SHQ1: variants seen among roughly 807,000 people sequenced by gnomAD.
SHQ1 encodes protein SHQ1 homolog.
SHQ1 carries 49 observed loss-of-function variants against 53.8 expected under a neutral mutation model. That is an observed-to-expected ratio of 0.91 (90% CI 0.72 to 1.16). The LOEUF (loss-of-function observed/expected upper bound fraction) is 1.16, where lower values mean the gene tolerates loss of function less well. Among genes scored for constraint, SHQ1 ranks in the 50% most tolerant of loss-of-function variants. The pLI is 0.00. For synonymous variants in SHQ1, 243 were observed against 251.0 expected (o/e 0.97, Z 0.30); for missense variants, 738 against 683.1 (o/e 1.08, Z -0.90).
Position 72,750,570 on chromosome 3 carries a change from C to G in SHQ1, c.1448G>C (p.Ser483Thr). The change falls in exon 11 of 11, where the codon AGT becomes ACT. Residue 483 changes from serine to threonine, a missense_variant. By Grantham distance (58) the Ser-to-Thr change is moderately conservative. Coordinates refer to ENST00000325599, the MANE Select transcript of SHQ1 (RefSeq NM_018130.3). ...SDSEQDELKD[S>T]PSETVSSLQG... ...CAAAGAACTGACTGTCTCAGATGGA[C>G]TATCTTTGAGTTCATCTTGTTCTGA... 1 of 1,614,246 alleles carries G rather than the reference C, an allele frequency of 6.2e-7. No individual in the cohort carries two copies. The highest frequency in any genetic ancestry group is 8.5e-7 in the Non-Finnish European group (1 of 1,180,036).
At chr3:72,822,045 T>C (rs1255948381) in intron 6 of SHQ1, among the ~76,000 whole-genome samples, 2 of 152,230 alleles carry the variant, frequency 1.3e-5, no homozygotes, top group Non-Finnish European at 2.9e-5. Flanking sequence ...ATTTACAGGA[T>C]TTTAAATACA....
intron 10 of SHQ1, among the ~76,000 whole-genome samples, chr3:72,767,176 C>G (rs951859941): frequency 6.6e-6 from 1 of 152,180 alleles, no homozygotes; most frequent in Admixed American, 6.5e-5. Flanking sequence ...TTCATATGTA[C>G]GAACCCATCT....
chr3:72,778,762 G>C (rs1706012736), intron 10 of SHQ1, among the ~76,000 whole-genome samples: 1 of 152,142 alleles, frequency 6.6e-6, no homozygotes, highest in African/African-American at 2.4e-5. Flanking sequence ...CCAGAATTAT[G>C]ATTAAAGTAC....
intron 5 of SHQ1, among the ~76,000 whole-genome samples, chr3:72,831,837 A>G (rs1261582803): frequency 6.6e-6 from 1 of 152,262 alleles, no homozygotes; most frequent in African/African-American, 2.4e-5. Flanking sequence ...CCAGTGGGAA[A>G]TAATACAGCA....
chr3:72,772,641 A>C, intron 10 of SHQ1: 3 of 708,848 alleles, frequency 4.2e-6, no homozygotes, highest in Non-Finnish European at 7.9e-6. Flanking sequence ...AAAAGGAAAC[A>C]GAAGATGTAC....
At chr3:72,786,497 T>C (rs773489304) in intron 10 of SHQ1, among the ~76,000 whole-genome samples, 8 of 152,186 alleles carry the variant, frequency 5.3e-5, no homozygotes, top group Non-Finnish European at 1.2e-4. Context: ...AAATGGGCCA[T>C]ATTCTTTTGT....
chr3:72,833,455 TA>T (rs1303387014), intron 4 of SHQ1, among the ~76,000 whole-genome samples: 2 of 27,804 alleles, frequency 7.2e-5, no homozygotes, highest in Non-Finnish European at 1.4e-4. Flanking sequence ...GATAGATAGA[TA>T]GATAGATAGA....
At position 72,846,304 on chromosome 3, in the gene SHQ1, T is replaced by A. The variant is rs892506772; in HGVS notation, c.144-1881A>T. ...GTATAGCAAACTGTATGTTCTTTTT[T>A]TTTTTTTTTTTAGACAGTCTCGCTC... On this transcript the variant is annotated intron_variant, in intron 1 of 10. Transcript: ENST00000325599. The A allele has an allele frequency of 1.6e-4, 238 of 1,524,800 alleles. 1 individual carries two copies. Among genetic ancestry groups the A allele is most frequent in the Non-Finnish European group, 1.9e-4 (222 of 1,144,392 alleles). The allele number at this position is 1,524,800 out of a possible 1,614,324, so 94.5% of individuals were successfully genotyped here. A position where few individuals can be genotyped will look rare whatever the true frequency, so the allele number is the denominator to read the frequency against.
At chr3:72,745,207 A>T (rs574038948), downstream of SHQ1, among the ~76,000 whole-genome samples, 1 of 152,074 alleles carries the variant, frequency 6.6e-6, no homozygotes, top group African/African-American at 2.4e-5. Context: ...ACTCCTCCCA[A>T]TTCTTGGTAT....
At chr3:72,790,439 TA>T (rs1209742440) in intron 10 of SHQ1, among the ~76,000 whole-genome samples, 1 of 152,348 alleles carries the variant, frequency 6.6e-6, no homozygotes, top group African/African-American at 2.4e-5. Flanking sequence ...TTTATTATTA[TA>T]ATCAAAAACA....
At chr3:72,787,753 C>T (rs1379792260) in intron 10 of SHQ1, among the ~76,000 whole-genome samples, 2 of 151,114 alleles carry the variant, frequency 1.3e-5, no homozygotes, top group East Asian at 3.9e-4. Flanking sequence ...CACGGTCTCC[C>T]TCTGATGCCG....
intron 9 of SHQ1, among the ~76,000 whole-genome samples, chr3:72,807,118 G>T (rs1706976926): frequency 6.6e-6 from 1 of 152,184 alleles, no homozygotes; most frequent in Non-Finnish European, 1.5e-5. Context: ...GTACTTGAGG[G>T]TGTTAGGAAA....
intron 8 of SHQ1, among the ~76,000 whole-genome samples, chr3:72,814,851 A>C (rs1203213636): frequency 1.3e-5 from 2 of 152,216 alleles, no homozygotes; most frequent in Non-Finnish European, 2.9e-5. Flanking sequence ...TAAGAGATTT[A>C]AGCTATATGA....
chr3:72,780,154 T>A (rs1706042262), intron 10 of SHQ1, among the ~76,000 whole-genome samples: 1 of 152,324 alleles, frequency 6.6e-6, no homozygotes, highest in South Asian at 2.1e-4. Context: ...GAAATATGCA[T>A]CTGAAACCAT....
chr3:72,736,484 T>G, the SHQ1 span, among the ~76,000 whole-genome samples: 243 of 92,398 alleles, frequency 2.6e-3, 4 homozygotes, highest in South Asian at 8.5e-3. Context: ...TCATTAAAAA[T>G]TTTTTTAAAA....
intron 10 of SHQ1, among the ~76,000 whole-genome samples, chr3:72,774,565 T>C (rs1354722597): frequency 2.0e-5 from 3 of 152,138 alleles, no homozygotes; most frequent in Non-Finnish European, 4.4e-5. Flanking sequence ...GAGAAAAATA[T>C]TTCCAAAATT....
chr3:72,748,995 A>G (rs967317907), downstream of SHQ1, among the ~76,000 whole-genome samples: 7 of 152,008 alleles, frequency 4.6e-5, no homozygotes, highest in African/African-American at 1.7e-4. Flanking sequence ...ACACACACAC[A>G]CACAGGCAGA....
At chr3:72,784,983 T>C (rs1706180571) in intron 10 of SHQ1, among the ~76,000 whole-genome samples, 1 of 152,208 alleles carries the variant, frequency 6.6e-6, no homozygotes, top group African/African-American at 2.4e-5. Context: ...CTGATCCCAG[T>C]GTGACCAAGG....
chr3:72,738,941 A>G, the SHQ1 span, among the ~76,000 whole-genome samples: 9 of 152,068 alleles, frequency 5.9e-5, no homozygotes, highest in Non-Finnish European at 1.0e-4. Flanking sequence ...TACACCCGCT[A>G]GTTCAGCCAG....
Sources: gnomAD v4.1 joint callset for allele counts (sites outside exome capture counted in the v4.1 genomes callset) on GRCh38, gnomAD v4.1.1 for gene constraint, MANE v1.5 for transcripts, NCBI Gene and HGNC (gene_info 2026-07-23, HGNC 2026-07-21) for gene names.